Variants in FCHO2 observed in about 807,000 individuals in gnomAD.
FCHO2 encodes FCH and mu domain containing endocytic adaptor 2.
In FCHO2, 43 loss-of-function variants were observed where a neutral mutation model predicts 114.1. That is an observed-to-expected ratio of 0.38 (90% confidence interval 0.30 to 0.49). The LOEUF (loss-of-function observed/expected upper bound fraction) is 0.49. FCHO2 is among the 20% of genes least tolerant of loss of function. The probability of loss-of-function intolerance (pLI) is 0.97; values close to 1 mark genes in which losing one functional copy is unlikely to be tolerated. For missense variants in FCHO2, 807 were observed against 950.4 expected (o/e 0.85, Z 1.98); for synonymous variants, 293 against 315.2 (o/e 0.93, Z 0.75).
intron 5 of FCHO2, among the ~76,000 whole-genome samples, chr5:73,003,386 A>G (rs1754548874): frequency 6.6e-6 from 1 of 152,066 alleles, no homozygotes; most frequent in African/African-American, 2.4e-5. Flanking sequence ...TTTGTTGCCC[A>G]GTCTGGTCTT....
intron 19 of FCHO2, among the ~76,000 whole-genome samples, chr5:73,069,012 A>G (rs1742502354): frequency 6.6e-6 from 1 of 152,148 alleles, no homozygotes; most frequent in Admixed American, 6.6e-5. Flanking sequence ...AATGAGTTAA[A>G]TTTATAAATT....
intron 6 of FCHO2, among the ~76,000 whole-genome samples, chr5:73,014,885 T>C (rs1755216526): frequency 6.6e-6 from 1 of 151,844 alleles, no homozygotes; most frequent in Admixed American, 6.6e-5. Flanking sequence ...GAGACTTTCC[T>C]GGCTAACACG....
chr5:73,025,119 T>C (rs1755845385), intron 8 of FCHO2, among the ~76,000 whole-genome samples: 2 of 152,174 alleles, frequency 1.3e-5, no homozygotes, highest in South Asian at 2.1e-4. Context: ...AACTAACTAG[T>C]GTGGGGTGGA....
intron 19 of FCHO2, among the ~76,000 whole-genome samples, chr5:73,070,218 G>T (rs1291033620): frequency 1.3e-5 from 2 of 152,018 alleles, no homozygotes; most frequent in African/African-American, 4.8e-5. Context: ...CAGTTGATTT[G>T]TCAAGGCTCA....
At position 73,068,335 on chromosome 5, in the gene FCHO2, G is replaced by C. The variant is rs371110179; in HGVS notation, c.1450-315G>C. Among the ~76,000 whole-genome samples the C allele has an allele frequency of 3.3e-5, 5 of 152,024 alleles. No individual in the cohort carries two copies. In the East Asian group the frequency reaches 7.7e-4, roughly 23 times the overall value. On this transcript the variant is annotated intron_variant, in intron 18 of 25. Coordinates refer to ENST00000430046, the MANE Select transcript of FCHO2 (RefSeq NM_138782.3). ...CAGGTAAAGTGAATAACCCTTTTGG[G>C]AAGCAGTTTGGGAAGAACGTTTATA...
chr5:73,020,582 A>C, intron 8 of FCHO2: 1 of 667,526 alleles, frequency 1.5e-6, no homozygotes. Context: ...GTGCAACAGC[A>C]GTAGTACTTT....
At chr5:72,974,526 C>T (rs1485420188) in intron 2 of FCHO2, among the ~76,000 whole-genome samples, 2 of 150,792 alleles carry the variant, frequency 1.3e-5, no homozygotes, top group African/African-American at 4.9e-5. Flanking sequence ...AGATTGCAAC[C>T]CCTGCCTTTT....
chr5:73,051,659 C>T (rs190890686), intron 12 of FCHO2, among the ~76,000 whole-genome samples: 6 of 151,316 alleles, frequency 4.0e-5, no homozygotes, highest in East Asian at 2.0e-4. Context: ...CTCTGCCTCC[C>T]GGGTTTCAGC....
At chr5:73,080,456 C>T (rs896107602) in intron 22 of FCHO2, among the ~76,000 whole-genome samples, 2 of 152,082 alleles carry the variant, frequency 1.3e-5, no homozygotes, top group Non-Finnish European at 2.9e-5. Context: ...AAAGGATATT[C>T]GCTGTAGCAT....
intron 8 of FCHO2, among the ~76,000 whole-genome samples, chr5:73,031,090 AC>A (rs113912037): frequency 0.013 from 2,019 of 152,298 alleles, 58 homozygotes; most frequent in African/African-American, 0.046. Context: ...TGTGCATATC[AC>A]CACAAACTGG....
chr5:73,025,569 G>A (rs1755870994), intron 8 of FCHO2, among the ~76,000 whole-genome samples: 1 of 151,898 alleles, frequency 6.6e-6, no homozygotes, highest in Non-Finnish European at 1.5e-5. Context: ...AGTAGAGATG[G>A]GATTTCACCA....
chr5:72,979,062 G>C lies in FCHO2; in HGVS notation c.126-10365G>C, dbSNP rs868231924. ...TGATGTTCATCAGAGATATTGGCCTGAAATTTTCTTTTGTGTGTGTGTGTC... is the reference window on the plus strand; with the variant it reads ...TGATGTTCATCAGAGATATTGGCCTCAAATTTTCTTTTGTGTGTGTGTGTC... On this transcript the variant is annotated intron_variant, in intron 2 of 25. Coordinates refer to ENST00000430046, the MANE Select transcript of FCHO2 (RefSeq NM_138782.3). Among the ~76,000 whole-genome samples the C allele has an allele frequency of 2.0e-5, 3 of 152,260 alleles. No homozygotes were observed. The South Asian group carries it at 6.2e-4, about 32-fold the overall frequency.
At chr5:73,020,893 G>T in intron 8 of FCHO2, 1 of 1,188,036 alleles carries the variant, frequency 8.4e-7, no homozygotes, top group Non-Finnish European at 1.3e-6. Flanking sequence ...CTCACCACGG[G>T]AGAGCTTATC....
rs1743357407 is a variant in FCHO2, at chr5:73,087,711, A to G, written c.2368A>G (p.Thr790Ala). 2 of 1,612,598 alleles carry G rather than the reference A, an allele frequency of 1.2e-6. No homozygotes were observed. Among genetic ancestry groups the G allele is most frequent in the African/African-American group, 1.3e-5 (1 of 74,854 alleles). ...LSGVDFELVGTGYRLSLIKKR... is the reference protein window; with the variant it reads ...LSGVDFELVGAGYRLSLIKKR... ...AGGAGTAGATTTCGAACTTGTGGGC[A>G]CTGGCTATAGGCTTTCCTTAATAAA... Residue 790 changes from threonine (T) to alanine (A), a missense_variant, in exon 25 of 26, where the codon ACT (threonine) becomes GCT (alanine). By Grantham distance (58) the Thr-to-Ala change is moderately conservative. Coordinates refer to ENST00000430046, the MANE Select transcript of FCHO2 (RefSeq NM_138782.3).
chr5:73,052,664 C>T, intron 13 of FCHO2, 157 bp downstream of exon 13: 1 of 614,768 alleles, frequency 1.6e-6, no homozygotes, highest in East Asian at 3.2e-5. Context: ...GTGAATTTGG[C>T]TTAATTTTGC....
chr5:73,047,385 T>G (rs1362237647), intron 11 of FCHO2, among the ~76,000 whole-genome samples: 1 of 152,122 alleles, frequency 6.6e-6, no homozygotes, highest in Non-Finnish European at 1.5e-5. Flanking sequence ...TGTGTTCTAA[T>G]TATCCTTTCT....
intron 13 of FCHO2, among the ~76,000 whole-genome samples, chr5:73,053,695 CA>C (rs370427186): frequency 0.39 from 38,593 of 97,970 alleles, 4,517 homozygotes; most frequent in East Asian, 0.5. Context: ...GACTTCGTCT[CA>C]AAAAAAAAAA....
intron 5 of FCHO2, among the ~76,000 whole-genome samples, chr5:72,992,857 A>G (rs1479732965): frequency 6.6e-6 from 1 of 152,100 alleles, no homozygotes; most frequent in East Asian, 1.9e-4. Flanking sequence ...GGTGAGCATA[A>G]AGTATAAAGC....
chr5:72,965,724 T>C (rs1007283590), intron 1 of FCHO2, among the ~76,000 whole-genome samples: 3 of 152,220 alleles, frequency 2.0e-5, no homozygotes, highest in African/African-American at 4.8e-5. Flanking sequence ...TAAAATGTTT[T>C]TTGGTGTGTT....
Sources: gnomAD v4.1 joint callset for allele counts (sites outside exome capture counted in the v4.1 genomes callset) on GRCh38, gnomAD v4.1.1 for gene constraint, MANE v1.5 for transcripts, NCBI Gene and HGNC (gene_info 2026-07-23, HGNC 2026-07-21) for gene names.